SMARCAD1: variants seen among roughly 807,000 people sequenced by gnomAD.
SMARCAD1 encodes the protein SWI/SNF-related matrix-associated actin-dependent regulator of chromatin subfamily A containing DEAD/H box 1.
Under a neutral mutation model 127.1 loss-of-function variants are expected in SMARCAD1, and 25 were observed. The observed-to-expected ratio is 0.20, with a 90% CI of 0.14 to 0.27. The LOEUF is 0.27. Ranked by LOEUF, SMARCAD1 falls within the 10% of genes least tolerant of loss-of-function variation. SMARCAD1 has a pLI of 1.00. For missense variants in SMARCAD1, 807 were observed against 1,206.0 expected (o/e 0.67, Z 4.90); for synonymous variants, 400 against 396.9 (o/e 1.01, Z -0.09).
At position 94,241,850 on chromosome 4, in the gene SMARCAD1, C is replaced by T. The variant is rs970989435; in HGVS notation, c.705+844C>T. On this transcript the variant is annotated intron_variant, in intron 6 of 23. Transcript: ENST00000354268. Reference sequence around the variant, plus strand: ...ACAGACTCAAGCCCAGTTGCCATGGCCATTTGTAAATGGGCCTATTGAGCA... The same window carrying T: ...ACAGACTCAAGCCCAGTTGCCATGGTCATTTGTAAATGGGCCTATTGAGCA... 2.0e-5 allele frequency among the ~76,000 whole-genome samples: 3 copies of T among 152,052 alleles called. No individual in the cohort carries two copies. In the East Asian group the frequency reaches 5.8e-4, roughly 29 times the overall value.
At chr4:94,208,624 G>A in intron 2 of SMARCAD1, 40 bp downstream of exon 2, 1 of 1,572,074 alleles carries the variant, frequency 6.4e-7, no homozygotes, top group South Asian at 1.1e-5. Flanking sequence ...ATCAAGGACA[G>A]TTTTTAAAAG....
Position 94,226,274 on chromosome 4 carries a change from A to G in SMARCAD1, c.346A>G (p.Asn116Asp). ...CAATACAGTTCAAGAGAAAACATTC[A>G]ACAAAGATACAGTGATTATAGTGTA... The part of the protein sequence containing the change: ...CSNTVQEKTF[N>D]KDTVIIVSEP... Residue 116 changes from asparagine (N) to aspartate (D), a missense_variant, in exon 3 of 24, where the codon AAC becomes GAC. Physicochemically the swap from Asn to Asp is conservative, Grantham distance 23. Transcript: ENST00000354268. 6.2e-7 allele frequency: 1 copy of G among 1,612,968 alleles called. No individual in the cohort carries two copies. Among genetic ancestry groups the G allele is most frequent in the Non-Finnish European group, 8.5e-7 (1 of 1,179,132 alleles).
At chr4:94,286,268 T>G (rs1754925721) in intron 23 of SMARCAD1, among the ~76,000 whole-genome samples, 1 of 152,118 alleles carries the variant, frequency 6.6e-6, no homozygotes, top group Non-Finnish European at 1.5e-5. Flanking sequence ...AGCAGCCTCT[T>G]TCTTCTCTTC....
At chr4:94,256,213 A>G (rs1255841543) in intron 9 of SMARCAD1, among the ~76,000 whole-genome samples, 4 of 152,112 alleles carry the variant, frequency 2.6e-5, no homozygotes, top group Admixed American at 1.3e-4. Flanking sequence ...AAACTTTCAT[A>G]TATGCATCTA....
rs751379806 is a variant in SMARCAD1, at chr4:94,213,059, G to A, written c.190+4475G>A. 7 of 1,286,180 alleles carry A rather than the reference G, an allele frequency of 5.4e-6. No homozygotes were observed. In the South Asian group the frequency reaches 8.6e-5, roughly 16 times the overall value. The allele number at this position is 1,286,180 out of a possible 1,614,324, so 79.7% of individuals were successfully genotyped here. The stretch of plus-strand genomic sequence containing the variant: ...GTGAGTTTGGAGGGATTGAAATAAT[G>A]GCAGGTGAAAGGGAAGAGAGATCCT... On this transcript the variant is annotated intron_variant, in intron 2 of 23. Transcript: ENST00000354268.
At chr4:94,253,388 G>T in intron 9 of SMARCAD1, 1 of 1,268,442 alleles carries the variant, frequency 7.9e-7, no homozygotes, top group Admixed American at 2.7e-5. Context: ...GAATGTGGCA[G>T]AAATTTTACT....
At chr4:94,225,123 T>C (rs1464512934) in intron 2 of SMARCAD1, among the ~76,000 whole-genome samples, 1 of 152,212 alleles carries the variant, frequency 6.6e-6, no homozygotes, top group Non-Finnish European at 1.5e-5. Context: ...TGTAATACTT[T>C]ATTGACCTGT....
chr4:94,219,547 T>C lies in SMARCAD1; in HGVS notation c.191-6572T>C, dbSNP rs935845478. On this transcript the variant is annotated intron_variant, in intron 2 of 23. Transcript: ENST00000354268. ...TAAAGGGTACTGGATAAACTTGGGATATAAGATTGTCTTCTTTTATGCATA... is the reference window on the plus strand; with the variant it reads ...TAAAGGGTACTGGATAAACTTGGGACATAAGATTGTCTTCTTTTATGCATA... Among the ~76,000 whole-genome samples, 3 of 152,282 alleles carry C rather than the reference T, an allele frequency of 2.0e-5. No individual in the cohort carries two copies. The East Asian group carries it at 5.8e-4, about 29-fold the overall frequency.
chr4:94,264,186 A>G (rs1751410978), intron 9 of SMARCAD1, among the ~76,000 whole-genome samples: 1 of 151,912 alleles, frequency 6.6e-6, no homozygotes, highest in Admixed American at 6.6e-5. Context: ...TAGAGTTTTG[A>G]AAACTTGAGG....
At chr4:94,238,896 G>A (rs186206982) in intron 5 of SMARCAD1, among the ~76,000 whole-genome samples, 69 of 149,908 alleles carry the variant, frequency 4.6e-4, no homozygotes, top group Admixed American at 2.5e-3. Flanking sequence ...GGTAGCACAG[G>A]CTGTGGCTTA....
intron 23 of SMARCAD1, 108 bp from the exon 24 acceptor site, chr4:94,289,365 C>A: frequency 1.0e-6 from 1 of 968,404 alleles, no homozygotes; most frequent in Non-Finnish European, 1.6e-6. Flanking sequence ...AGCAAACTAG[C>A]CCTTGAAAGA....
intron 23 of SMARCAD1, among the ~76,000 whole-genome samples, chr4:94,285,720 CATTT>C (rs1397440538): frequency 6.6e-6 from 1 of 152,118 alleles, no homozygotes; most frequent in Non-Finnish European, 1.5e-5. Flanking sequence ...TCTTGCGTAG[CATTT>C]ATTTCAGGGT....
In SMARCAD1 at chr4:94,208,589, G is replaced by A. The variant is rs1259989792; in HGVS notation, c.190+5G>A. ...CAGATATAACTGAAAAAACAGGTGA[G>A]TTACAATGTTAAAATTGATGTAACA... On this transcript the variant is annotated splice_donor_5th_base_variant and intron_variant, in intron 2 of 23. Coordinates refer to ENST00000354268, the MANE Select transcript of SMARCAD1 (RefSeq NM_020159.5). 2 of 1,613,216 alleles carry A rather than the reference G, an allele frequency of 1.2e-6. No individual in the cohort carries two copies. Among genetic ancestry groups the A allele is most frequent in the South Asian group, 1.1e-5 (1 of 91,060 alleles).
intron 6 of SMARCAD1, among the ~76,000 whole-genome samples, chr4:94,243,737 G>A (rs1747965351): frequency 2.0e-5 from 3 of 152,126 alleles, no homozygotes; most frequent in Admixed American, 6.5e-5. Flanking sequence ...AAACACACAC[G>A]TTTCCAGTAT....
chr4:94,247,064 G>A (rs1461093006), intron 6 of SMARCAD1, among the ~76,000 whole-genome samples: 1 of 152,122 alleles, frequency 6.6e-6, no homozygotes, highest in Non-Finnish European at 1.5e-5. Flanking sequence ...CTTACATTGG[G>A]ATGGGATGGT....
intron 9 of SMARCAD1, chr4:94,253,314 T>A (rs1380517154): frequency 7.4e-7 from 1 of 1,355,602 alleles, no homozygotes; most frequent in African/African-American, 1.5e-5. Context: ...AGCTTACATT[T>A]AGGAAGGAGT....
chr4:94,276,973 G>C, intron 15 of SMARCAD1, 49 bp from the exon 16 acceptor site: 1 of 1,608,366 alleles, frequency 6.2e-7, no homozygotes, highest in Non-Finnish European at 8.5e-7. Context: ...GACATGAAAG[G>C]AGTGGCTCTT....
At chr4:94,287,885 G>T (rs1347591863) in intron 23 of SMARCAD1, among the ~76,000 whole-genome samples, 1 of 152,026 alleles carries the variant, frequency 6.6e-6, no homozygotes, top group Non-Finnish European at 1.5e-5. Context: ...TGGGCGTGTG[G>T]TTCATGCTTA....
chr4:94,270,553 T>A, intron 10 of SMARCAD1, 175 bp from the exon 11 acceptor site: 2 of 566,734 alleles, frequency 3.5e-6, no homozygotes, highest in South Asian at 2.0e-5. Flanking sequence ...TTTGAGAAGA[T>A]CTGAAAAATC....
Sources: allele counts gnomAD v4.1 joint callset (sites outside exome capture counted in the v4.1 genomes callset), GRCh38; gene constraint gnomAD v4.1.1; transcripts MANE v1.5; gene names NCBI Gene and HGNC (gene_info 2026-07-23, HGNC 2026-07-21).